FBXO32: variants seen among roughly 807,000 people sequenced by gnomAD.
FBXO32 encodes F-box only protein 32.
FBXO32 carries 15 observed loss-of-function variants against 48.3 expected under a neutral mutation model. The ratio of observed to expected loss-of-function variants is 0.31; its 90% CI spans 0.21 to 0.48. The LOEUF (loss-of-function observed/expected upper bound fraction) is 0.48, where lower values mean the gene tolerates loss of function less well. FBXO32 is among the 20% of genes least tolerant of loss of function. The probability of loss-of-function intolerance (pLI) is 0.99; values close to 1 mark genes in which losing one functional copy is unlikely to be tolerated. For synonymous variants in FBXO32, 154 were observed against 165.9 expected (o/e 0.93, Z 0.55); for missense variants, 309 against 432.7 (o/e 0.71, Z 2.54).
chr8:123,504,561 G>A lies in FBXO32; in HGVS notation c.978+43C>T. The A allele has an allele frequency of 2.5e-6, 4 of 1,582,036 alleles. No individual in the cohort carries two copies. The South Asian group carries it at 4.7e-5, about 18-fold the overall frequency. On this transcript the variant is annotated intron_variant, in intron 8 of 8. Coordinates refer to ENST00000517956, the MANE Select transcript of FBXO32 (RefSeq NM_058229.4). ...CTGGCTGGCACTCTTGGCTCTTAGG[G>A]GCTGGGCTGGGGGTCTGTGGCAGCC... is the stretch of plus-strand genomic sequence containing the variant.
chr8:123,530,815 C>T (rs560236594), intron 4 of FBXO32, among the ~76,000 whole-genome samples: 1 of 150,984 alleles, frequency 6.6e-6, no homozygotes, highest in South Asian at 2.1e-4. Context: ...GACGGGGTTT[C>T]ACTATGTTGG....
At chr8:123,509,702 AAAACAAACAAAC>A (rs141509717) in intron 6 of FBXO32, among the ~76,000 whole-genome samples, 1 of 151,594 alleles carries the variant, frequency 6.6e-6, no homozygotes, top group Non-Finnish European at 1.5e-5. Context: ...CCCTATCTCA[AAAACAAACAAAC>A]AAACAAACAA....
intron 6 of FBXO32, among the ~76,000 whole-genome samples, chr8:123,508,600 C>T (rs1309569118): frequency 6.6e-6 from 1 of 152,212 alleles, no homozygotes; most frequent in Non-Finnish European, 1.5e-5. Context: ...CGGTTCTACC[C>T]CAGGCTGCTG....
intron 3 of FBXO32, 88 bp from the exon 4 acceptor site, chr8:123,532,078 G>T (rs988796044): frequency 6.4e-7 from 1 of 1,567,678 alleles, no homozygotes; most frequent in African/African-American, 1.4e-5. Context: ...AACCCAACTG[G>T]ATTTTGCCGA....
At position 123,502,455 on chromosome 8, in the gene FBXO32, T is replaced by C. The variant is rs2130492697; in HGVS notation, c.*918A>G. 1 of 152,556 alleles carries C rather than the reference T, an allele frequency of 6.6e-6. No individual in the cohort carries two copies. The highest frequency in any genetic ancestry group is 1.5e-5 in the Non-Finnish European group (1 of 68,184). 9.5% of individuals were successfully genotyped at this position (152,556 alleles called of 1,614,324 possible). A position where few individuals can be genotyped will look rare whatever the true frequency, so the allele number is the denominator to read the frequency against. ...GGACGGCTTTTGTTTTGTTTTGTTTTGTTTTGGAGACAGGCTGGAGTGCAG... is the reference window on the plus strand; with the variant it reads ...GGACGGCTTTTGTTTTGTTTTGTTTCGTTTTGGAGACAGGCTGGAGTGCAG... On this transcript the variant is annotated 3_prime_UTR_variant, in exon 9 of 9. Coordinates refer to ENST00000517956, the MANE Select transcript of FBXO32 (RefSeq NM_058229.4).
chr8:123,531,738 C>G (rs555914935), intron 4 of FBXO32, among the ~76,000 whole-genome samples, 160 bp downstream of exon 4: 1 of 152,132 alleles, frequency 6.6e-6, no homozygotes, highest in African/African-American at 2.4e-5. Context: ...ACTTGAAGTA[C>G]GTTGGGGAAG....
intron 8 of FBXO32, 114 bp from the exon 9 acceptor site, chr8:123,503,576 G>T: frequency 1.4e-6 from 1 of 722,252 alleles, no homozygotes; most frequent in Non-Finnish European, 2.4e-6. Context: ...AATGCCCCAG[G>T]CCTAAATGTT....
intron 8 of FBXO32, 40 bp from the exon 9 acceptor site, chr8:123,503,502 C>G (rs1282426315): frequency 6.4e-7 from 1 of 1,556,768 alleles, no homozygotes; most frequent in African/African-American, 1.4e-5. Flanking sequence ...TTCTCAGAGG[C>G]CTCTCTTTGG....
At chr8:123,508,739 T>C (rs1227457607) in intron 6 of FBXO32, among the ~76,000 whole-genome samples, 1 of 152,184 alleles carries the variant, frequency 6.6e-6, no homozygotes, top group Non-Finnish European at 1.5e-5. Context: ...TTTCTTTTCG[T>C]TTCCAACACT....
chr8:123,504,670 G>A lies in FBXO32; in HGVS notation c.912C>T (p.Tyr304=), dbSNP rs756271164. ...TATCTCCATACTGCTCTTTCCTTGG[G>A]TAACATCGGACAAGTTTGAAATACA... ...KKMYFKLVRC[Y]PRKEQYGDTL... Residue 304 remains tyrosine (Y), a synonymous_variant, in exon 8 of 9, where the codon TAC becomes TAT. Coordinates refer to ENST00000517956, the MANE Select transcript of FBXO32 (RefSeq NM_058229.4). The A allele has an allele frequency of 6.2e-7, 1 of 1,614,060 alleles. No individual in the cohort carries two copies. Among genetic ancestry groups the A allele is most frequent in the South Asian group, 1.1e-5 (1 of 91,072 alleles).
At chr8:123,507,535 C>T (rs1446103190) in intron 6 of FBXO32, among the ~76,000 whole-genome samples, 1 of 150,296 alleles carries the variant, frequency 6.7e-6, no homozygotes, top group Non-Finnish European at 1.5e-5. Context: ...CTCCACCATC[C>T]CTTGAGACTT....
Position 123,500,370 on chromosome 8 carries a change from C to A in FBXO32, c.*3003G>T, listed in dbSNP as rs1404180850. On this transcript the variant is annotated 3_prime_UTR_variant, in exon 9 of 9. Transcript: ENST00000517956. Reference sequence around the variant, plus strand: ...CATATTTGACATCTATTTTGAAATTCTGTTTTACAGGGTTTAGGATGGGGG... The same window carrying A: ...CATATTTGACATCTATTTTGAAATTATGTTTTACAGGGTTTAGGATGGGGG... 6.6e-6 allele frequency: 1 copy of A among 152,128 alleles called. No individual in the cohort carries two copies. Among genetic ancestry groups the A allele is most frequent in the Non-Finnish European group, 1.5e-5 (1 of 68,014 alleles). The allele number at this position is 152,128 out of a possible 1,614,324, so 9.4% of individuals were successfully genotyped here. A position where few individuals can be genotyped will look rare whatever the true frequency, so the allele number is the denominator to read the frequency against.
In FBXO32 at chr8:123,503,268, A is replaced by G; in HGVS notation, c.*105T>C. 1 of 888,156 alleles carries G rather than the reference A, an allele frequency of 1.1e-6. No individual in the cohort carries two copies. The highest frequency in any genetic ancestry group is 1.8e-5 in the South Asian group (1 of 55,546). 55.0% of individuals were successfully genotyped at this position (888,156 alleles called of 1,614,324 possible). On this transcript the variant is annotated 3_prime_UTR_variant, in exon 9 of 9. Transcript: ENST00000517956. ...TGACTTATCTCTGAAGTTTCGAGCC[A>G]ATGTTTAAAATGTACACTATTTACA...
chr8:123,508,029 G>A (rs370328151), intron 6 of FBXO32, among the ~76,000 whole-genome samples: 2 of 152,160 alleles, frequency 1.3e-5, no homozygotes, highest in East Asian at 1.9e-4. Flanking sequence ...TAGACCACCT[G>A]GGACTGCGGT....
intron 1 of FBXO32, among the ~76,000 whole-genome samples, chr8:123,538,972 G>C (rs1230686784): frequency 3.3e-5 from 5 of 152,156 alleles, no homozygotes; most frequent in Admixed American, 1.3e-4. Context: ...TTTCTCTCCT[G>C]ATGCCGGTAT....
intron 4 of FBXO32, among the ~76,000 whole-genome samples, chr8:123,524,349 G>T (rs551969351): frequency 6.6e-6 from 1 of 152,032 alleles, no homozygotes. Flanking sequence ...GACTAACAAG[G>T]CCAGAAATTC....
Position 123,525,138 on chromosome 8 carries a change from C to G in FBXO32, c.372+6760G>C, listed in dbSNP as rs773667694. Reference sequence around the variant, plus strand: ...TATTCCAGCCTTTTGTTTGCCAAACCACCAGTCAACTTAAACTAAAACATG... The same window carrying G: ...TATTCCAGCCTTTTGTTTGCCAAACGACCAGTCAACTTAAACTAAAACATG... On this transcript the variant is annotated intron_variant, in intron 4 of 8. Coordinates refer to ENST00000517956, the MANE Select transcript of FBXO32 (RefSeq NM_058229.4). The surrounding 1 kb of genome is among the most constrained non-coding windows in gnomAD (Gnocchi z 4.3). 1.3e-5 allele frequency among the ~76,000 whole-genome samples: 2 copies of G among 152,226 alleles called. No individual in the cohort carries two copies. The highest frequency in any genetic ancestry group is 2.9e-5 in the Non-Finnish European group (2 of 68,046).
In FBXO32 at chr8:123,513,078, A is replaced by G; in HGVS notation, c.651+120T>C. 9.1e-7 allele frequency: 1 copy of G among 1,101,124 alleles called. No homozygotes were observed. Among genetic ancestry groups the G allele is most frequent in the South Asian group, 1.6e-5 (1 of 63,844 alleles). The allele number at this position is 1,101,124 out of a possible 1,614,324, so 68.2% of individuals were successfully genotyped here. ...CCCACCCTCAGCACCAGAACAAAGC[A>G]GCAGATCAGAAAAGACCAGACTCTT... On this transcript the variant is annotated intron_variant, in intron 6 of 8. Transcript: ENST00000517956. This position sits in a 1 kb window ranked among gnomAD's most constrained non-coding sequence, Gnocchi z 4.3.
Position 123,512,260 on chromosome 8 carries a change from A to C in FBXO32, c.651+938T>G, listed in dbSNP as rs370310136. ...TTCTGTTTCACAGCTTAAAAAGTGC[A>C]GGTACAGAGACGTAATTACCAGTAA... is the stretch of plus-strand genomic sequence containing the variant. On this transcript the variant is annotated intron_variant, in intron 6 of 8. Coordinates refer to ENST00000517956, the MANE Select transcript of FBXO32 (RefSeq NM_058229.4). 1.4e-4 allele frequency among the ~76,000 whole-genome samples: 21 copies of C among 152,284 alleles called. No homozygotes were observed. The East Asian group carries it at 2.7e-3, about 20-fold the overall frequency.
Sources: gnomAD v4.1 joint callset for allele counts (sites outside exome capture counted in the v4.1 genomes callset) on GRCh38, gnomAD v4.1.1 for gene constraint, Gnocchi (gnomAD v3.1) non-coding constraint, MANE v1.5 for transcripts, NCBI Gene and HGNC (gene_info 2026-07-23, HGNC 2026-07-21) for gene names.